SGCZ: variants seen among roughly 807,000 people sequenced by gnomAD.
The protein encoded by SGCZ is zeta-sarcoglycan.
In SGCZ, 40 loss-of-function variants were observed where a neutral mutation model predicts 41.3. The ratio of observed to expected loss-of-function variants is 0.97; its 90% CI spans 0.75 to 1.26. The LOEUF is 1.26. Ranked by LOEUF, SGCZ falls within the 50% of genes most tolerant of loss-of-function variation. The pLI is 0.00. For missense variants in SGCZ, 552 were observed against 369.8 expected (o/e 1.49, Z -4.04); for synonymous variants, 206 against 137.5 (o/e 1.50, Z -3.49).
chr8:14,266,064 GATA>G (rs1226431636), intron 3 of SGCZ, among the ~76,000 whole-genome samples: 1 of 152,038 alleles, frequency 6.6e-6, no homozygotes, highest in African/African-American at 2.4e-5. Context: ...TATTCAAAGA[GATA>G]ATAACAGAAA....
At chr8:14,245,648 G>A (rs927208169) in intron 3 of SGCZ, among the ~76,000 whole-genome samples, 7 of 152,000 alleles carry the variant, frequency 4.6e-5, no homozygotes, top group South Asian at 2.1e-4. Context: ...TACCATCAGC[G>A]TGAAAAGGCA....
intron 3 of SGCZ, among the ~76,000 whole-genome samples, chr8:14,287,633 A>G (rs1351804363): frequency 6.6e-6 from 1 of 152,082 alleles, no homozygotes; most frequent in East Asian, 1.9e-4. Context: ...GAACTCTTTG[A>G]CATGTTTATT....
intron 1 of SGCZ, among the ~76,000 whole-genome samples, chr8:14,906,969 G>A (rs1162949877): frequency 6.6e-6 from 1 of 152,134 alleles, no homozygotes. Context: ...CACTGTCAGA[G>A]AATTTATAAC....
intron 3 of SGCZ, chr8:14,309,146 G>T: frequency 6.8e-7 from 1 of 1,464,076 alleles, no homozygotes; most frequent in East Asian, 2.3e-5. Context: ...GAACAGATGG[G>T]CACTCTGGTT....
intron 1 of SGCZ, among the ~76,000 whole-genome samples, chr8:14,888,803 A>C (rs945157093): frequency 4.6e-5 from 7 of 152,176 alleles, no homozygotes; most frequent in African/African-American, 1.7e-4. Flanking sequence ...AAAAATATGT[A>C]AGTTTTATTG....
At chr8:14,740,321 C>A (rs753966460) in intron 1 of SGCZ, among the ~76,000 whole-genome samples, 4 of 151,980 alleles carry the variant, frequency 2.6e-5, no homozygotes, top group Non-Finnish European at 5.9e-5. Context: ...TAACAGTGAC[C>A]TTGACTGTGC....
intron 1 of SGCZ, among the ~76,000 whole-genome samples, chr8:14,816,500 C>A (rs1474621932): frequency 6.6e-6 from 1 of 152,154 alleles, no homozygotes; most frequent in Admixed American, 6.5e-5. Context: ...TGAAATTCAA[C>A]TTTCTGTTCA....
At chr8:14,565,617 G>C (rs560360721) in intron 1 of SGCZ, among the ~76,000 whole-genome samples, 73 of 152,138 alleles carry the variant, frequency 4.8e-4, no homozygotes, top group African/African-American at 1.7e-3. Flanking sequence ...AAACAAATTG[G>C]CCAGAAACGC....
At chr8:14,596,014 C>T (rs1473420780) in intron 1 of SGCZ, among the ~76,000 whole-genome samples, 1 of 152,208 alleles carries the variant, frequency 6.6e-6, no homozygotes, top group African/African-American at 2.4e-5. Flanking sequence ...GGTCCTCTAA[C>T]TCATCAGTTT....
chr8:14,188,812 G>T (rs1440474419), intron 4 of SGCZ, among the ~76,000 whole-genome samples: 10 of 78,694 alleles, frequency 1.3e-4, no homozygotes, highest in African/African-American at 1.7e-4. Context: ...TTTTTTGTTT[G>T]TTTGTTTCTT....
At chr8:14,923,694 T>C (rs1338670856) in intron 1 of SGCZ, among the ~76,000 whole-genome samples, 2 of 152,210 alleles carry the variant, frequency 1.3e-5, no homozygotes, top group African/African-American at 4.8e-5. Context: ...AGGAGAACAA[T>C]TGTTGCTGTT....
rs545462615 is a variant in SGCZ, at chr8:15,212,658, T to C, written c.39+24927A>G. Among the ~76,000 whole-genome samples the C allele has an allele frequency of 6.6e-5, 10 of 152,148 alleles. No individual in the cohort carries two copies. In the South Asian group the frequency reaches 1.2e-3, roughly 19 times the overall value. On this transcript the variant is annotated intron_variant, in intron 1 of 7. Transcript: ENST00000382080. ...TAGGAAGACCTGATGAACTTAGAGATAAAAGAACAAAACTGTTTTGGCATC... is the reference window on the plus strand; with the variant it reads ...TAGGAAGACCTGATGAACTTAGAGACAAAAGAACAAAACTGTTTTGGCATC...
intron 1 of SGCZ, among the ~76,000 whole-genome samples, chr8:14,991,500 C>A (rs931419827): frequency 3.9e-5 from 6 of 152,114 alleles, no homozygotes; most frequent in Non-Finnish European, 4.4e-5. Flanking sequence ...AAATGTCTAC[C>A]TTCGGCCCAG....
At chr8:14,212,211 C>G (rs1447055278) in intron 4 of SGCZ, among the ~76,000 whole-genome samples, 1 of 152,104 alleles carries the variant, frequency 6.6e-6, no homozygotes, top group Non-Finnish European at 1.5e-5. Flanking sequence ...GTGACCCACA[C>G]TGGCTCCTCC....
intron 4 of SGCZ, among the ~76,000 whole-genome samples, chr8:14,204,024 A>G (rs1805538961): frequency 6.6e-6 from 1 of 151,910 alleles, no homozygotes; most frequent in South Asian, 2.1e-4. Flanking sequence ...AAATATATGG[A>G]GAGGGGAGAC....
At chr8:14,240,718 T>A (rs532105173) in intron 3 of SGCZ, among the ~76,000 whole-genome samples, 1 of 152,330 alleles carries the variant, frequency 6.6e-6, no homozygotes, top group African/African-American at 2.4e-5. Context: ...TAAATGAAAT[T>A]TGATGCCTGT....
intron 4 of SGCZ, among the ~76,000 whole-genome samples, chr8:14,203,079 G>A (rs548445666): frequency 4.1e-4 from 62 of 152,130 alleles, no homozygotes; most frequent in Admixed American, 6.5e-4. Context: ...GCTTCTCCTC[G>A]CCTTCCACCA....
At chr8:14,329,540 T>A (rs746897371) in intron 2 of SGCZ, among the ~76,000 whole-genome samples, 2 of 152,176 alleles carry the variant, frequency 1.3e-5, no homozygotes, top group African/African-American at 4.8e-5. Context: ...AGCTTGGAGA[T>A]TGCCACCTAA....
At chr8:15,020,573 C>T (rs1803213901) in intron 1 of SGCZ, among the ~76,000 whole-genome samples, 1 of 152,122 alleles carries the variant, frequency 6.6e-6, no homozygotes, top group Admixed American at 6.5e-5. Flanking sequence ...TTAACTTGCA[C>T]TTTTGAAGTC....
Sources: allele counts gnomAD v4.1 joint callset (sites outside exome capture counted in the v4.1 genomes callset), GRCh38; gene constraint gnomAD v4.1.1; transcripts MANE v1.5; gene names NCBI Gene and HGNC (gene_info 2026-07-23, HGNC 2026-07-21).